BORA: variants seen among roughly 807,000 people sequenced by gnomAD.
The protein encoded by BORA is protein aurora borealis.
A neutral mutation model predicts 55.8 loss-of-function variants in BORA; 26 were observed. That is an observed-to-expected ratio of 0.47 (90% CI 0.34 to 0.65). The LOEUF (loss-of-function observed/expected upper bound fraction) is 0.65, where lower values mean the gene tolerates loss of function less well. BORA is among the 30% of genes least tolerant of loss of function. BORA has a pLI of 0.01. For synonymous variants in BORA, 201 were observed against 216.9 expected (o/e 0.93, Z 0.64); for missense variants, 568 against 671.5 (o/e 0.85, Z 1.70).
intron 4 of BORA, among the ~76,000 whole-genome samples, chr13:72,736,712 A>C (rs1219020802): frequency 6.6e-6 from 1 of 152,044 alleles, no homozygotes; most frequent in African/African-American, 2.4e-5. Flanking sequence ...GGCTTTGTGA[A>C]TTTTCAGTTT....
chr13:72,746,008 G>T lies in BORA; in HGVS notation c.803G>T (p.Ser268Ile). The T allele has an allele frequency of 6.2e-7, 1 of 1,612,690 alleles. No individual in the cohort carries two copies. Residue 268 changes from serine (S) to isoleucine (I), a missense_variant, in exon 9 of 12, where the codon AGT (serine) becomes ATT (isoleucine). Transcript: ENST00000390667. ...AKKYSLGSIT[S>I]PSPISSPTFS... ...AAATACAGCTTGGGAAGCATAACTA[G>T]TCCTTCGCCTATTTCTTCACCCACT...
chr13:72,734,462 A>G (rs1045279279), intron 3 of BORA, among the ~76,000 whole-genome samples: 6 of 152,180 alleles, frequency 3.9e-5, no homozygotes, highest in South Asian at 2.1e-4. Context: ...AAAATGTTAT[A>G]TTGTCAGTGT....
chr13:72,749,744 T>A, intron 10 of BORA, among the ~76,000 whole-genome samples: 1 of 152,170 alleles, frequency 6.6e-6, no homozygotes, highest in East Asian at 1.9e-4. Context: ...TTTCTCTTGT[T>A]ACAGGGCCTT....
At position 72,746,763 on chromosome 13, in the gene BORA, G is replaced by A; in HGVS notation, c.1134G>A (p.Met378Ile). The change falls in exon 10 of 12, where the codon ATG becomes ATA. Residue 378 changes from methionine to isoleucine, a missense_variant. By Grantham distance (10) the Met-to-Ile change is conservative. Transcript: ENST00000390667. ...CCACAGATGTCTCATCACCCGCCAT[G>A]GATGCTGCTGGAATACACCTACGGC... The part of the protein sequence containing the change: ...IPSTDVSSPA[M>I]DAAGIHLRQF... 1 of 1,614,148 alleles carries A rather than the reference G, an allele frequency of 6.2e-7. No homozygotes were observed. Among genetic ancestry groups the A allele is most frequent in the Non-Finnish European group, 8.5e-7 (1 of 1,180,008 alleles).
chr13:72,732,521 A>T, intron 3 of BORA, among the ~76,000 whole-genome samples: 1 of 152,046 alleles, frequency 6.6e-6, no homozygotes, highest in East Asian at 1.9e-4. Flanking sequence ...CTAAACATAC[A>T]AAAACATTAG....
intron 5 of BORA, among the ~76,000 whole-genome samples, chr13:72,738,472 G>C (rs1292522362): frequency 3.3e-5 from 5 of 152,012 alleles, no homozygotes; most frequent in African/African-American, 9.7e-5. Flanking sequence ...ATGACCTCTG[G>C]GACAGTGTAT....
At chr13:72,740,193 T>C (rs757449104) in intron 5 of BORA, among the ~76,000 whole-genome samples, 20 of 152,202 alleles carry the variant, frequency 1.3e-4, no homozygotes, top group Non-Finnish European at 2.9e-4. Flanking sequence ...TGCAGAATTA[T>C]AAGAATTCAC....
chr13:72,741,825 G>A (rs771457860), intron 5 of BORA, among the ~76,000 whole-genome samples: 5 of 152,164 alleles, frequency 3.3e-5, no homozygotes, highest in Non-Finnish European at 7.3e-5. Flanking sequence ...TTGGAATGCA[G>A]GGGAGAAAAG....
At position 72,728,315 on chromosome 13, in the gene BORA, C is replaced by A. The variant is rs972324364; in HGVS notation, c.-16+308C>A. The A allele has an allele frequency of 4.8e-6, 3 of 619,736 alleles. No homozygotes were observed. The Admixed American group carries it at 7.9e-5, about 16-fold the overall frequency. 38.4% of individuals were successfully genotyped at this position (619,736 alleles called of 1,614,324 possible). A position where few individuals can be genotyped will look rare whatever the true frequency, so the allele number is the denominator to read the frequency against. On this transcript the variant is annotated intron_variant, in intron 1 of 11. Coordinates refer to ENST00000390667, the MANE Select transcript of BORA (RefSeq NM_024808.5). ...AAGTAATGCAGTCTCCCTTTCTATC[C>A]CGGGAGGGGTGGAGGGGAGGTCTTG...
intron 5 of BORA, among the ~76,000 whole-genome samples, chr13:72,739,959 C>T (rs1393476859): frequency 2.0e-5 from 3 of 151,952 alleles, no homozygotes; most frequent in Non-Finnish European, 4.4e-5. Context: ...GGAGGTCACA[C>T]AGTGACTGAG....
chr13:72,731,764 C>T (rs899868737), intron 3 of BORA, among the ~76,000 whole-genome samples: 3 of 152,132 alleles, frequency 2.0e-5, no homozygotes, highest in Non-Finnish European at 2.9e-5. Context: ...AAGCAAAATG[C>T]TGTTTCATTG....
At chr13:72,741,019 G>T (rs1166920928) in intron 5 of BORA, among the ~76,000 whole-genome samples, 1 of 152,206 alleles carries the variant, frequency 6.6e-6, no homozygotes, top group African/African-American at 2.4e-5. Flanking sequence ...GAGGGGAAAA[G>T]TGGTTTTGTT....
intron 1 of BORA, 183 bp downstream of exon 1, chr13:72,728,190 A>T (rs1484257553): frequency 1.2e-6 from 1 of 818,586 alleles, no homozygotes; most frequent in Admixed American, 2.0e-5. Context: ...CCTCCTTCGC[A>T]CTCCATCCAG....
At position 72,753,790 on chromosome 13, in the gene BORA, T is replaced by C. The variant is rs1204853225; in HGVS notation, c.1583T>C (p.Val528Ala). 2 of 1,613,260 alleles carry C rather than the reference T, an allele frequency of 1.2e-6. No individual in the cohort carries two copies. The highest frequency in any genetic ancestry group is 2.2e-5 in the East Asian group (1 of 44,802). The stretch of plus-strand genomic sequence containing the variant: ...GAAAGTGATGCACAAACATGTGAAG[T>C]TGAGAGTAAATCTCAAGCATTTAAT... ...CKESDAQTCEVESKSQAFNMK... is the reference protein window; with the variant it reads ...CKESDAQTCEAESKSQAFNMK... The change falls in exon 11 of 12, where the codon GTT (valine) becomes GCT (alanine). Residue 528 changes from valine to alanine, a missense_variant. Transcript: ENST00000390667.
chr13:72,729,753 T>C (rs1040143290), intron 2 of BORA, among the ~76,000 whole-genome samples: 10 of 152,336 alleles, frequency 6.6e-5, no homozygotes, highest in Non-Finnish European at 1.0e-4. Context: ...TTTTTTTGTT[T>C]GTTTTCCCAA....
At chr13:72,743,409 T>C (rs540759478) in intron 5 of BORA, 128 bp from the exon 6 acceptor site, 18 of 524,778 alleles carry the variant, frequency 3.4e-5, no homozygotes, top group South Asian at 2.5e-4. Flanking sequence ...TATATACTTA[T>C]ATATGCAGAT....
chr13:72,750,224 C>A (rs2033236986), intron 10 of BORA, among the ~76,000 whole-genome samples: 1 of 152,076 alleles, frequency 6.6e-6, no homozygotes, highest in Non-Finnish European at 1.5e-5. Context: ...GCATTTTAAG[C>A]AGGAAAGAAT....
chr13:72,746,741 C>T lies in BORA; in HGVS notation c.1112C>T (p.Thr371Ile). 1 of 1,614,124 alleles carries T rather than the reference C, an allele frequency of 6.2e-7. No homozygotes were observed. The highest frequency in any genetic ancestry group is 8.5e-7 in the Non-Finnish European group (1 of 1,179,986). Residue 371 changes from threonine (T) to isoleucine (I), a missense_variant, in exon 10 of 12, where the codon ACA (threonine) becomes ATA (isoleucine). Coordinates refer to ENST00000390667, the MANE Select transcript of BORA (RefSeq NM_024808.5). ...GAAGATAAAGAGAATATTCCTTCCA[C>T]AGATGTCTCATCACCCGCCATGGAT... ...DEEDKENIPSTDVSSPAMDAA... is the reference protein window; with the variant it reads ...DEEDKENIPSIDVSSPAMDAA...
chr13:72,732,483 T>C (rs1401324517), intron 3 of BORA, among the ~76,000 whole-genome samples: 2 of 152,124 alleles, frequency 1.3e-5, no homozygotes, highest in Non-Finnish European at 2.9e-5. Flanking sequence ...AAGACCAGGC[T>C]GGCCAACATA....
Sources: gnomAD v4.1 joint callset for allele counts (sites outside exome capture counted in the v4.1 genomes callset) on GRCh38, gnomAD v4.1.1 for gene constraint, MANE v1.5 for transcripts, NCBI Gene and HGNC (gene_info 2026-07-23, HGNC 2026-07-21) for gene names.